The following KCNN2 variants were observed in gnomAD, a reference collection of about 807,000 sequenced individuals.
The protein encoded by KCNN2 is potassium calcium-activated channel subfamily N member 2.
Under a neutral mutation model 55.5 loss-of-function variants are expected in KCNN2, and 24 were observed. That is an observed-to-expected ratio of 0.43 (90% CI 0.31 to 0.61). The LOEUF is 0.61. Ranked by LOEUF, KCNN2 falls within the 20% of genes least tolerant of loss-of-function variation. The pLI is 0.08. For synonymous variants in KCNN2, 431 were observed against 336.1 expected (o/e 1.28, Z -3.09); for missense variants, 754 against 853.6 (o/e 0.88, Z 1.45).
intron 1 of KCNN2, among the ~76,000 whole-genome samples, chr5:114,156,231 A>G (rs907558137): frequency 2.6e-5 from 4 of 152,072 alleles, no homozygotes; most frequent in Non-Finnish European, 4.4e-5. Flanking sequence ...ATTCTGTTCC[A>G]TTAATCTATG....
chr5:114,385,519 G>GCACACACACACA lies in KCNN2; in HGVS notation c.1219-18892_1219-18881dup, dbSNP rs10548694. On this transcript the variant is annotated intron_variant, in intron 2 of 7. Transcript: ENST00000673685. ...TTATTGACAGCATACACACATGCGC[G>GCACACACACACA]CACACACACACACACACACACACAC... Among the ~76,000 whole-genome samples the GCACACACACACA allele has an allele frequency of 2.7e-4, 39 of 143,352 alleles. 1 individual carries two copies. The highest frequency in any genetic ancestry group is 9.0e-4 in the South Asian group (4 of 4,438). The allele number at this position is 143,352 out of a possible 152,430, so 94.0% of individuals were successfully genotyped here. A position where few individuals can be genotyped will look rare whatever the true frequency, so the allele number is the denominator to read the frequency against.
chr5:114,478,320 A>G (rs1762063288), intron 5 of KCNN2, among the ~76,000 whole-genome samples: 1 of 152,218 alleles, frequency 6.6e-6, no homozygotes. Flanking sequence ...TATATGCTAT[A>G]GGTTTGAACA....
chr5:114,393,413 A>C (rs1490428357), intron 2 of KCNN2, among the ~76,000 whole-genome samples: 1 of 152,144 alleles, frequency 6.6e-6, no homozygotes, highest in Non-Finnish European at 1.5e-5. Flanking sequence ...TCAGAACGTC[A>C]GTGATTACTT....
At chr5:114,237,061 G>C (rs1475818016) in intron 2 of KCNN2, among the ~76,000 whole-genome samples, 1 of 152,048 alleles carries the variant, frequency 6.6e-6, no homozygotes. Flanking sequence ...CATAAGTCTT[G>C]CTATACATGT....
chr5:114,105,876 C>T (rs1056251358), intron 1 of KCNN2, among the ~76,000 whole-genome samples: 1 of 151,852 alleles, frequency 6.6e-6, no homozygotes, highest in African/African-American at 2.4e-5. Context: ...TAATTTCCAT[C>T]AATATTATCA....
chr5:114,396,402 G>A (rs1287389065), intron 2 of KCNN2, among the ~76,000 whole-genome samples: 1 of 152,110 alleles, frequency 6.6e-6, no homozygotes, highest in Non-Finnish European at 1.5e-5. Context: ...AAAACTTTAT[G>A]TGTGCCTCTA....
intron 2 of KCNN2, among the ~76,000 whole-genome samples, chr5:114,379,476 AT>A (rs1238215450): frequency 0.015 from 1,658 of 107,516 alleles, 19 homozygotes; most frequent in Non-Finnish European, 0.023. Flanking sequence ...CATATTATAT[AT>A]TTATAGAATA....
At chr5:114,193,072 A>G (rs1753482400) in intron 1 of KCNN2, among the ~76,000 whole-genome samples, 1 of 152,186 alleles carries the variant, frequency 6.6e-6, no homozygotes, top group Admixed American at 6.5e-5. Flanking sequence ...GGACATACTT[A>G]TACTAGTAAA....
chr5:114,387,238 A>G (rs73782219), intron 2 of KCNN2, among the ~76,000 whole-genome samples: 1 of 152,220 alleles, frequency 6.6e-6, no homozygotes, highest in African/African-American at 2.4e-5. Context: ...AGCTAGTCCC[A>G]TGATTTGTGC....
At chr5:114,281,359 C>T (rs369095736) in intron 2 of KCNN2, among the ~76,000 whole-genome samples, 3 of 152,010 alleles carry the variant, frequency 2.0e-5, no homozygotes, top group East Asian at 3.9e-4. Context: ...GCCAAATGTC[C>T]CTCATGGAAA....
intron 2 of KCNN2, among the ~76,000 whole-genome samples, chr5:114,246,666 G>A (rs1754753838): frequency 6.6e-6 from 1 of 152,000 alleles, no homozygotes; most frequent in Non-Finnish European, 1.5e-5. Context: ...ATAATCCCAA[G>A]GATATGTCCA....
At chr5:114,126,348 G>C (rs1426150801) in intron 1 of KCNN2, among the ~76,000 whole-genome samples, 1 of 152,050 alleles carries the variant, frequency 6.6e-6, no homozygotes, top group African/African-American at 2.4e-5. Flanking sequence ...TGGCTGGGGA[G>C]GCCTCAGGAA....
At chr5:114,470,822 C>T (rs1244978669) in intron 4 of KCNN2, among the ~76,000 whole-genome samples, 1 of 152,164 alleles carries the variant, frequency 6.6e-6, no homozygotes, top group African/African-American at 2.4e-5. Context: ...TTATCTAAAG[C>T]AGTGACTATA....
chr5:114,157,012 A>G (rs1480657059), intron 1 of KCNN2, among the ~76,000 whole-genome samples: 2 of 150,518 alleles, frequency 1.3e-5, no homozygotes, highest in Non-Finnish European at 3.0e-5. Context: ...TTTAAATTTT[A>G]TTATTATTAT....
At chr5:114,205,590 G>T (rs565880296) in intron 1 of KCNN2, among the ~76,000 whole-genome samples, 1 of 152,282 alleles carries the variant, frequency 6.6e-6, no homozygotes, top group African/African-American at 2.4e-5. Flanking sequence ...AAATGTAAAT[G>T]AAATATTAAG....
chr5:114,441,359 A>G (rs1433954627), intron 3 of KCNN2, among the ~76,000 whole-genome samples: 1 of 152,218 alleles, frequency 6.6e-6, no homozygotes, highest in Non-Finnish European at 1.5e-5. Flanking sequence ...CCTGTAGCCA[A>G]TAACTAGTAA....
chr5:114,400,884 C>G (rs971466155), intron 2 of KCNN2, among the ~76,000 whole-genome samples: 20 of 152,098 alleles, frequency 1.3e-4, no homozygotes, highest in Non-Finnish European at 8.8e-5. Flanking sequence ...GCATTATTCT[C>G]TATTTCATCT....
intron 1 of KCNN2, among the ~76,000 whole-genome samples, chr5:114,072,204 A>G (rs1024202630): frequency 5.3e-5 from 8 of 152,084 alleles, no homozygotes; most frequent in African/African-American, 1.9e-4. Context: ...AGGCAGAAGA[A>G]TTGCTGGAAC....
chr5:114,255,774 TAC>T (rs1356250059), intron 2 of KCNN2, among the ~76,000 whole-genome samples: 3 of 152,122 alleles, frequency 2.0e-5, no homozygotes, highest in Non-Finnish European at 4.4e-5. Context: ...GGCATGGGAA[TAC>T]ATAGAATTTA....
Sources: gnomAD v4.1 joint callset for allele counts (sites outside exome capture counted in the v4.1 genomes callset) on GRCh38, gnomAD v4.1.1 for gene constraint, MANE v1.5 for transcripts, NCBI Gene and HGNC (gene_info 2026-07-23, HGNC 2026-07-21) for gene names.